The following PSD3 variants were observed in gnomAD, a reference collection of about 807,000 sequenced individuals.
PSD3 encodes PH and SEC7 domain-containing protein 3.
In PSD3, 49 loss-of-function variants were observed where a neutral mutation model predicts 105.5. The ratio of observed to expected loss-of-function variants is 0.46; its 90% CI spans 0.37 to 0.59. PSD3 has a LOEUF of 0.59. Ranked by LOEUF, PSD3 falls within the 20% of genes least tolerant of loss-of-function variation. The pLI is 0.00. For missense variants in PSD3, 1,561 were observed against 1,263.8 expected (o/e 1.24, Z -3.57); for synonymous variants, 557 against 457.8 (o/e 1.22, Z -2.77).
chr8:18,617,392 G>T (rs67161250), intron 11 of PSD3, among the ~76,000 whole-genome samples: 8,245 of 151,988 alleles, frequency 0.054, 277 homozygotes, highest in African/African-American at 0.088. Flanking sequence ...TTAGCTGGTC[G>T]TGATGGTGGG....
chr8:18,584,450 C>G (rs894289013), intron 12 of PSD3, among the ~76,000 whole-genome samples: 2 of 152,314 alleles, frequency 1.3e-5, no homozygotes, highest in Middle Eastern at 3.4e-3. Context: ...ATTAGCTTGG[C>G]TAGTACCATC....
intron 9 of PSD3, among the ~76,000 whole-genome samples, chr8:18,659,343 C>T (rs1219297415): frequency 2.0e-5 from 3 of 152,190 alleles, no homozygotes; most frequent in Admixed American, 6.5e-5. Context: ...GCACTAGCAC[C>T]TATTTCTCCT....
At chr8:18,663,193 G>A (rs1056407835) in intron 9 of PSD3, among the ~76,000 whole-genome samples, 2 of 152,212 alleles carry the variant, frequency 1.3e-5, no homozygotes, top group South Asian at 2.1e-4. Flanking sequence ...TTTGGGAGCC[G>A]CAGAGGGAGG....
At chr8:18,653,563 A>G (rs1808678069) in intron 10 of PSD3, among the ~76,000 whole-genome samples, 1 of 152,118 alleles carries the variant, frequency 6.6e-6, no homozygotes, top group South Asian at 2.1e-4. Context: ...CAGCTACTAC[A>G]TGAAAAAGCT....
chr8:18,671,409 G>C (rs1474097602), intron 9 of PSD3, among the ~76,000 whole-genome samples: 1 of 152,174 alleles, frequency 6.6e-6, no homozygotes, highest in Non-Finnish European at 1.5e-5. Context: ...TTACCTGGGT[G>C]TTCTGTATTT....
At chr8:18,756,127 C>G (rs992015778) in intron 9 of PSD3, among the ~76,000 whole-genome samples, 1 of 152,166 alleles carries the variant, frequency 6.6e-6, no homozygotes, top group Non-Finnish European at 1.5e-5. Flanking sequence ...CATCCAAGCC[C>G]TCTTCCTCCA....
intron 1 of PSD3, among the ~76,000 whole-genome samples, chr8:18,980,764 AATCAGTT>A (rs2129472752): frequency 6.6e-6 from 1 of 152,298 alleles, no homozygotes; most frequent in East Asian, 1.9e-4. Flanking sequence ...GTGTAAAGTT[AATCAGTT>A]ATTTGACGCT....
intron 9 of PSD3, among the ~76,000 whole-genome samples, chr8:18,689,483 A>G (rs1800850315): frequency 6.6e-6 from 1 of 152,200 alleles, no homozygotes; most frequent in East Asian, 1.9e-4. Context: ...AATTATAAAT[A>G]CCAATTGTCT....
intron 4 of PSD3, among the ~76,000 whole-genome samples, chr8:18,829,137 C>T (rs1813468109): frequency 6.6e-6 from 1 of 152,008 alleles, no homozygotes; most frequent in Non-Finnish European, 1.5e-5. Flanking sequence ...GTCTCAGCTC[C>T]TAACGAGGCT....
At chr8:18,585,481 C>A (rs148482989) in intron 12 of PSD3, among the ~76,000 whole-genome samples, 85 of 152,202 alleles carry the variant, frequency 5.6e-4, no homozygotes, top group African/African-American at 2.0e-3. Context: ...CTATGTCTGG[C>A]TAATTTTTGT....
chr8:18,592,059 A>G (rs1803652810), intron 12 of PSD3, among the ~76,000 whole-genome samples: 1 of 152,210 alleles, frequency 6.6e-6, no homozygotes, highest in Non-Finnish European at 1.5e-5. Context: ...TCAATGGAAC[A>G]AAATGAATTT....
intron 8 of PSD3, among the ~76,000 whole-genome samples, chr8:18,783,016 T>C (rs764808695): frequency 3.6e-4 from 55 of 152,348 alleles, no homozygotes; most frequent in Non-Finnish European, 5.0e-4. Flanking sequence ...AGTGCTCTCA[T>C]AGAATTACTT....
intron 2 of PSD3, among the ~76,000 whole-genome samples, chr8:18,906,287 C>T (rs1480527715): frequency 3.3e-5 from 5 of 152,206 alleles, no homozygotes; most frequent in East Asian, 1.9e-4. Flanking sequence ...ATATTAGCTA[C>T]TCACAGCTGT....
At chr8:18,818,270 A>G (rs76444458) in intron 4 of PSD3, among the ~76,000 whole-genome samples, 6,252 of 152,222 alleles carry the variant, frequency 0.041, 146 homozygotes, top group Admixed American at 0.068. Context: ...TACCTTTATG[A>G]AAGACAACTA....
At chr8:18,641,678 A>T (rs1807652956) in intron 10 of PSD3, among the ~76,000 whole-genome samples, 2 of 152,232 alleles carry the variant, frequency 1.3e-5, no homozygotes, top group Admixed American at 6.5e-5. Flanking sequence ...ATGGCATAAA[A>T]ATTACACCTC....
chr8:19,007,661 TC>T (rs1444029406), intron 1 of PSD3, among the ~76,000 whole-genome samples: 1 of 152,042 alleles, frequency 6.6e-6, no homozygotes, highest in Non-Finnish European at 1.5e-5. Context: ...TTTGCCTAGG[TC>T]AGTGGACAAG....
intron 14 of PSD3, among the ~76,000 whole-genome samples, chr8:18,565,641 C>A (rs1318051813): frequency 6.6e-6 from 1 of 152,134 alleles, no homozygotes; most frequent in African/African-American, 2.4e-5. Flanking sequence ...ATGTTTCCAG[C>A]AAGGCACTCA....
At chr8:18,769,979 C>T (rs112200600) in intron 8 of PSD3, among the ~76,000 whole-genome samples, 1 of 152,070 alleles carries the variant, frequency 6.6e-6, no homozygotes, top group African/African-American at 2.4e-5. Flanking sequence ...GTTTTCATTC[C>T]TCCTGGGCAT....
At chr8:18,967,957 CA>C (rs1824389367) in intron 1 of PSD3, among the ~76,000 whole-genome samples, 1 of 152,166 alleles carries the variant, frequency 6.6e-6, no homozygotes. Flanking sequence ...CCAAGTTCTA[CA>C]AAAGGCTAGC....
Sources: gnomAD v4.1 joint callset for allele counts (sites outside exome capture counted in the v4.1 genomes callset) on GRCh38, gnomAD v4.1.1 for gene constraint, MANE v1.5 for transcripts, NCBI Gene and HGNC (gene_info 2026-07-23, HGNC 2026-07-21) for gene names.